The following CELF2 variants were observed in gnomAD, a reference collection of about 807,000 sequenced individuals.
The protein encoded by CELF2 is CUG triplet repeat RNA-binding protein 2.
CELF2 carries 8 observed loss-of-function variants against 62.6 expected under a neutral mutation model. The ratio of observed to expected loss-of-function variants is 0.13; its 90% CI spans 0.07 to 0.23. The LOEUF is 0.23. CELF2 is among the 10% of genes least tolerant of loss of function. The pLI, the probability that CELF2 is intolerant of heterozygous loss-of-function variation, is 1.00. For synonymous variants in CELF2, 258 were observed against 250.0 expected (o/e 1.03, Z -0.30); for missense variants, 333 against 671.0 (o/e 0.50, Z 5.56).
the CELF2 span, among the ~76,000 whole-genome samples, chr10:10,727,343 A>G: frequency 6.6e-6 from 1 of 152,196 alleles, no homozygotes; most frequent in African/African-American, 2.4e-5. Context: ...ACTTTCTTAG[A>G]CATTTTTTAA....
intron 1 of CELF2, among the ~76,000 whole-genome samples, chr10:11,093,611 T>G (rs1456600069): frequency 1.3e-5 from 2 of 152,246 alleles, no homozygotes. Context: ...CAAGCAAAGC[T>G]TTAAACAAAC....
intron 2 of CELF2, among the ~76,000 whole-genome samples, chr10:10,979,932 G>A (rs2051867435): frequency 6.6e-6 from 1 of 152,188 alleles, no homozygotes. Context: ...TCTTTTGGTA[G>A]CATGTTTATT....
At chr10:10,688,714 C>T in the CELF2 span, among the ~76,000 whole-genome samples, 1 of 152,092 alleles carries the variant, frequency 6.6e-6, no homozygotes, top group Non-Finnish European at 1.5e-5. Context: ...TGGTACTAGC[C>T]AGTTTTTTTT....
chr10:11,200,356 A>G (rs550617301), intron 2 of CELF2, among the ~76,000 whole-genome samples: 4 of 152,338 alleles, frequency 2.6e-5, no homozygotes, highest in Admixed American at 2.6e-4. Flanking sequence ...GCATGTTCCT[A>G]CAGCAAAGAT....
the CELF2 span, among the ~76,000 whole-genome samples, chr10:10,529,676 T>G: frequency 1.4e-5 from 1 of 73,758 alleles, no homozygotes; most frequent in African/African-American, 5.9e-5. Flanking sequence ...ACAGCAAGAC[T>G]CCATCTCAAA....
At chr10:10,899,754 A>G (rs112044652) in intron 1 of CELF2, among the ~76,000 whole-genome samples, 8 of 152,162 alleles carry the variant, frequency 5.3e-5, no homozygotes. Flanking sequence ...AGTGACGGGG[A>G]AGCTAGAGCA....
intron 1 of CELF2, among the ~76,000 whole-genome samples, chr10:11,023,126 G>C (rs1335201493): frequency 6.6e-6 from 1 of 152,074 alleles, no homozygotes; most frequent in African/African-American, 2.4e-5. Context: ...TTTCGGATTA[G>C]GCCATCACAA....
intron 1 of CELF2, among the ~76,000 whole-genome samples, chr10:11,116,719 G>T (rs1564808207): frequency 6.6e-6 from 1 of 152,226 alleles, no homozygotes. Flanking sequence ...ACATGGCCAA[G>T]AAAATTATCA....
At chr10:10,533,312 G>A in the CELF2 span, among the ~76,000 whole-genome samples, 1 of 152,126 alleles carries the variant, frequency 6.6e-6, no homozygotes, top group African/African-American at 2.4e-5. Flanking sequence ...GGGTCAAGGG[G>A]AGGAGCATAG....
chr10:11,283,820 G>A lies in CELF2; in HGVS notation c.842-4598G>A, dbSNP rs556208319. Among the ~76,000 whole-genome samples, 24 of 151,864 alleles carry A rather than the reference G, an allele frequency of 1.6e-4. No homozygotes were observed. In the East Asian group the frequency reaches 4.5e-3, roughly 28 times the overall value. On this transcript the variant is annotated intron_variant, in intron 8 of 12. Coordinates refer to ENST00000633077, the MANE Select transcript of CELF2 (RefSeq NM_001326342.2). ...TAGATGATGAGTGGATGGGTGGATG[G>A]TGGGTGGATGATGGATGGAGTGGAT...
At chr10:10,770,727 G>A in the CELF2 span, among the ~76,000 whole-genome samples, 2 of 137,610 alleles carry the variant, frequency 1.5e-5, no homozygotes, top group Non-Finnish European at 3.1e-5. Flanking sequence ...TCATCAAATT[G>A]TATTCATTCT....
chr10:10,841,635 T>C (rs954363749), intron 1 of CELF2, among the ~76,000 whole-genome samples: 5 of 152,186 alleles, frequency 3.3e-5, no homozygotes, highest in Non-Finnish European at 5.9e-5. Context: ...TCTATTCTTT[T>C]ACTAACACCA....
chr10:11,247,045 T>C lies in CELF2; in HGVS notation c.355-2108T>C, dbSNP rs2075810286. 2.0e-5 allele frequency among the ~76,000 whole-genome samples: 3 copies of C among 152,224 alleles called. No individual in the cohort carries two copies. Among genetic ancestry groups the C allele is most frequent in the African/African-American group, 7.2e-5 (3 of 41,460 alleles). On this transcript the variant is annotated intron_variant, in intron 3 of 12. Transcript: ENST00000633077. This position sits in a 1 kb window ranked among gnomAD's most constrained non-coding sequence, Gnocchi z 5.4. Reference sequence around the variant, plus strand: ...CATCCCCACAACCAGCCAGTCGCCATGAAGTTCAGCCTCCACCAGTGTTCC... The same window carrying C: ...CATCCCCACAACCAGCCAGTCGCCACGAAGTTCAGCCTCCACCAGTGTTCC...
At chr10:10,479,177 G>T in the CELF2 span, among the ~76,000 whole-genome samples, 7 of 151,624 alleles carry the variant, frequency 4.6e-5, no homozygotes, top group Admixed American at 3.3e-4. Flanking sequence ...AATTTTTTTT[G>T]TTGTTTTTTG....
the CELF2 span, among the ~76,000 whole-genome samples, chr10:10,635,385 G>A: frequency 6.6e-6 from 1 of 152,038 alleles, no homozygotes; most frequent in Non-Finnish European, 1.5e-5. Flanking sequence ...TTTTTCCGTG[G>A]AAAGATTCCA....
chr10:10,988,813 T>A (rs2053116099), intron 2 of CELF2, among the ~76,000 whole-genome samples: 1 of 152,136 alleles, frequency 6.6e-6, no homozygotes. Flanking sequence ...GCACAAACTG[T>A]CATCATTCAC....
the CELF2 span, among the ~76,000 whole-genome samples, chr10:10,640,450 C>T: frequency 6.6e-6 from 1 of 152,182 alleles, no homozygotes; most frequent in African/African-American, 2.4e-5. Flanking sequence ...TGAGCCTTCT[C>T]CAATATCCCC....
the CELF2 span, among the ~76,000 whole-genome samples, chr10:10,627,115 C>G: frequency 6.6e-6 from 1 of 152,154 alleles, no homozygotes; most frequent in Non-Finnish European, 1.5e-5. Context: ...GTGAGGCTCT[C>G]GCATTGTGTA....
chr10:11,038,719 G>A (rs900685387), intron 1 of CELF2, among the ~76,000 whole-genome samples: 17 of 152,078 alleles, frequency 1.1e-4, no homozygotes, highest in Admixed American at 6.6e-4. Context: ...AAAGATGGTA[G>A]GATAAAAGTC....
Sources: gnomAD v4.1 joint callset for allele counts (sites outside exome capture counted in the v4.1 genomes callset) on GRCh38, gnomAD v4.1.1 for gene constraint, Gnocchi (gnomAD v3.1) non-coding constraint, MANE v1.5 for transcripts, NCBI Gene and HGNC (gene_info 2026-07-23, HGNC 2026-07-21) for gene names.